Variants in ASF1B observed in about 807,000 individuals in gnomAD.
ASF1B encodes anti-silencing function 1B histone chaperone.
A neutral mutation model predicts 16.6 loss-of-function variants in ASF1B; 10 were observed. That is an observed-to-expected ratio of 0.60 (90% CI 0.37 to 1.02). ASF1B has a LOEUF of 1.02. Ranked by LOEUF, ASF1B falls within the 50% of genes least tolerant of loss-of-function variation. ASF1B has a pLI of 0.01. For synonymous variants in ASF1B, 101 were observed against 106.2 expected, an observed-to-expected ratio of 0.95 and a Z score of 0.30; for missense variants, 240 against 266.0, an observed-to-expected ratio of 0.90 and a Z score of 0.68.
chr19:14,132,189 C>A (rs1159856324), intron 1 of ASF1B, among the ~76,000 whole-genome samples: 1 of 151,856 alleles, frequency 6.6e-6, no homozygotes, highest in Admixed American at 6.6e-5. Context: ...CACCAAGTCC[C>A]GTTAATTTTT....
chr19:14,121,160 G>A, intron 3 of ASF1B: 1 of 348,122 alleles, frequency 2.9e-6, no homozygotes, highest in East Asian at 5.0e-5. Context: ...TCACTCTGTT[G>A]GTCAGGCTGG....
chr19:14,122,300 C>T (rs2144509147), intron 2 of ASF1B, among the ~76,000 whole-genome samples: 1 of 152,090 alleles, frequency 6.6e-6, no homozygotes, highest in South Asian at 2.1e-4. Flanking sequence ...CTCCTGACTT[C>T]AGGTGATCTG....
intron 1 of ASF1B, among the ~76,000 whole-genome samples, chr19:14,135,656 G>A (rs1967481165): frequency 6.6e-6 from 1 of 151,968 alleles, no homozygotes; most frequent in Non-Finnish European, 1.5e-5. Flanking sequence ...GGTTTTCACA[G>A]GAAAAAAAGG....
intron 2 of ASF1B, among the ~76,000 whole-genome samples, chr19:14,122,779 A>T (rs1967260211): frequency 1.3e-5 from 2 of 152,176 alleles, no homozygotes; most frequent in Non-Finnish European, 2.9e-5. Context: ...GGACAGTGGC[A>T]TGAAGCTGAA....
chr19:14,120,692 C>A (rs1224628053), intron 3 of ASF1B, 27 bp from the exon 4 acceptor site: 2 of 1,609,902 alleles, frequency 1.2e-6, no homozygotes, highest in African/African-American at 1.3e-5. Context: ...AACGTCAACC[C>A]TTGTAGGTAC....
At chr19:14,124,096 G>C (rs1247524261) in intron 2 of ASF1B, among the ~76,000 whole-genome samples, 1 of 151,922 alleles carries the variant, frequency 6.6e-6, no homozygotes, top group Admixed American at 6.6e-5. Context: ...CTGGCCTCAA[G>C]TGAGTCTTCT....
chr19:14,134,835 G>A (rs1011238648), intron 1 of ASF1B, among the ~76,000 whole-genome samples: 1 of 151,896 alleles, frequency 6.6e-6, no homozygotes, highest in African/African-American at 2.4e-5. Context: ...GCTGGAGCCC[G>A]TCACAGCTCA....
At chr19:14,131,485 CTTT>C (rs759033830) in intron 1 of ASF1B, among the ~76,000 whole-genome samples, 7 of 126,418 alleles carry the variant, frequency 5.5e-5, no homozygotes, top group Admixed American at 3.2e-4. Flanking sequence ...CTGGCTTTTT[CTTT>C]TTTTTTTTTT....
rs1416028414 is a variant in ASF1B, at chr19:14,129,711, GAAGA to G, written c.110-3478_110-3475del. ...AAAAAAAAAAAAAAAAAAAAAAAAA[GAAGA>G]AAGAAGGAAAGAAAGGAAGAAAAAA... On this transcript the variant is annotated intron_variant, in intron 1 of 3. Coordinates refer to ENST00000263382, the MANE Select transcript of ASF1B (RefSeq NM_018154.3). 4.3e-3 allele frequency among the ~76,000 whole-genome samples: 343 copies of G among 79,730 alleles called. 3 individuals are homozygous for G. The highest frequency in any genetic ancestry group is 0.013 in the African/African-American group (297 of 22,338). 52.3% of individuals were successfully genotyped at this position (79,730 alleles called of 152,430 possible).
intron 1 of ASF1B, 33 bp downstream of exon 1, chr19:14,136,315 G>A (rs1967498984): frequency 6.3e-7 from 1 of 1,591,582 alleles, no homozygotes; most frequent in Admixed American, 1.7e-5. Context: ...GGTCGGCCCG[G>A]GGGTGGGGGT....
rs34539223 is a variant in ASF1B, at chr19:14,132,024, GT to G, written c.109+4323del. ...CAACTGGGGCTTAGGGGTTAGGGTG[GT>G]TTTTTTTTTTTTTTTTTTTGAGATG... is the stretch of plus-strand genomic sequence containing the variant. On this transcript the variant is annotated intron_variant, in intron 1 of 3. Transcript: ENST00000263382. 8.9e-3 allele frequency among the ~76,000 whole-genome samples: 1,110 copies of G among 124,566 alleles called. 7 individuals carry two copies. Among genetic ancestry groups the G allele is most frequent in the African/African-American group, 0.022 (718 of 33,160 alleles). The allele number at this position is 124,566 out of a possible 152,430, so 81.7% of individuals were successfully genotyped here. A position where few individuals can be genotyped will look rare whatever the true frequency, so the allele number is the denominator to read the frequency against.
At chr19:14,134,165 G>C (rs981546084) in intron 1 of ASF1B, among the ~76,000 whole-genome samples, 1 of 151,960 alleles carries the variant, frequency 6.6e-6, no homozygotes. Flanking sequence ...TCCTGCCGTC[G>C]GGGAGCTGGG....
chr19:14,129,404 C>T (rs1489765654), intron 1 of ASF1B, among the ~76,000 whole-genome samples: 3 of 151,992 alleles, frequency 2.0e-5, no homozygotes, highest in South Asian at 2.1e-4. Flanking sequence ...TGGTTGGGCA[C>T]GGCAGCTCAC....
intron 1 of ASF1B, among the ~76,000 whole-genome samples, chr19:14,127,112 A>G (rs1488528709): frequency 2.0e-5 from 3 of 152,148 alleles, no homozygotes; most frequent in South Asian, 2.1e-4. Context: ...ACAGATCCTT[A>G]ATATGTTAAA....
Position 14,136,526 on chromosome 19 carries a change from TG to T in ASF1B, c.-71del. 7.4e-7 allele frequency: 1 copy of T among 1,350,746 alleles called. No homozygotes were observed. The highest frequency in any genetic ancestry group is 1.3e-5 in the South Asian group (1 of 78,732). 83.7% of individuals were successfully genotyped at this position (1,350,746 alleles called of 1,614,324 possible). A position where few individuals can be genotyped will look rare whatever the true frequency, so the allele number is the denominator to read the frequency against. ...TGGCGGAGGCCGCGCCTGGGTCCGG[TG>T]GGGTCAGTGGGGTAGGGCTGACCAG... On this transcript the variant is annotated 5_prime_UTR_variant, in exon 1 of 4. Transcript: ENST00000263382.
intron 3 of ASF1B, 29 bp downstream of exon 3, chr19:14,121,503 G>T: frequency 1.9e-6 from 3 of 1,606,210 alleles, no homozygotes; most frequent in Non-Finnish European, 2.6e-6. Flanking sequence ...ACGGCCTTGT[G>T]GGAAGCAGGA....
chr19:14,128,934 G>A (rs1313987911), intron 1 of ASF1B, among the ~76,000 whole-genome samples: 1 of 152,174 alleles, frequency 6.6e-6, no homozygotes. Flanking sequence ...TTTAATTCAT[G>A]TCCTGGGAAG....
chr19:14,124,273 C>T (rs1021529814), intron 2 of ASF1B, among the ~76,000 whole-genome samples: 1 of 152,160 alleles, frequency 6.6e-6, no homozygotes, highest in African/African-American at 2.4e-5. Flanking sequence ...CCTGCTTCAG[C>T]CTCCCAAGTA....
chr19:14,132,779 C>G (rs184358030), intron 1 of ASF1B, among the ~76,000 whole-genome samples: 1 of 152,260 alleles, frequency 6.6e-6, no homozygotes, highest in Non-Finnish European at 1.5e-5. Context: ...GATTGCACCA[C>G]TGCACTGTAG....
Sources: allele counts gnomAD v4.1 joint callset (sites outside exome capture counted in the v4.1 genomes callset), GRCh38; gene constraint gnomAD v4.1.1; transcripts MANE v1.5; gene names NCBI Gene and HGNC (gene_info 2026-07-23, HGNC 2026-07-21).